Variants in ACSBG1 observed in about 807,000 individuals in gnomAD.
The protein encoded by ACSBG1 is acyl-CoA synthetase bubblegum family member 1.
In ACSBG1, 39 loss-of-function variants were observed where a neutral mutation model predicts 80.2. The observed-to-expected ratio is 0.49, with a 90% CI of 0.38 to 0.64. The LOEUF (loss-of-function observed/expected upper bound fraction) is 0.64. Ranked by LOEUF, ACSBG1 falls within the 30% of genes least tolerant of loss-of-function variation. ACSBG1 has a pLI of 0.00. For synonymous variants in ACSBG1, 392 were observed against 379.5 expected (o/e 1.03, Z -0.38); for missense variants, 828 against 966.4 (o/e 0.86, Z 1.90).
chr15:78,214,788 G>A (rs2075294419), intron 1 of ACSBG1, among the ~76,000 whole-genome samples: 1 of 152,110 alleles, frequency 6.6e-6, no homozygotes, highest in African/African-American at 2.4e-5. Context: ...GGCAGCAATT[G>A]GGACAGGGGT....
chr15:78,211,453 A>G (rs1442583767), intron 1 of ACSBG1, among the ~76,000 whole-genome samples: 1 of 152,202 alleles, frequency 6.6e-6, no homozygotes, highest in East Asian at 1.9e-4. Context: ...TCCCAGGAGG[A>G]AGAAGAGCTT....
Position 78,234,389 on chromosome 15 carries a change from T to C in ACSBG1, c.113A>G (p.Gln38Arg), listed in dbSNP as rs1057491095. ...SRQDMIVRTT[Q>R]EKLKTSSLTD... ...GACTTACCTGGTTTTCAATTTTTCT[T>C]GGGTGGTCCTCACAATCATGTCCTG... The change falls in exon 1 of 14, where the codon CAA (glutamine) becomes CGA (arginine). Residue 38 changes from glutamine to arginine, a missense_variant. Coordinates refer to ENST00000258873, the MANE Select transcript of ACSBG1 (RefSeq NM_015162.5). 3.7e-6 allele frequency: 6 copies of C among 1,612,048 alleles called. No homozygotes were observed. Among genetic ancestry groups the C allele is most frequent in the Non-Finnish European group, 5.1e-6 (6 of 1,179,996 alleles).
intron 2 of ACSBG1, among the ~76,000 whole-genome samples, chr15:78,200,035 G>A (rs994963616): frequency 1.4e-4 from 21 of 152,130 alleles, no homozygotes; most frequent in African/African-American, 2.7e-4. Context: ...GAGGTTTACC[G>A]GATCAAGAGA....
At chr15:78,194,407 G>A (rs1390575800) in intron 3 of ACSBG1, 99 bp downstream of exon 3, 1 of 1,116,142 alleles carries the variant, frequency 9.0e-7, no homozygotes, top group Non-Finnish European at 1.3e-6. Flanking sequence ...GTTCCTAAGA[G>A]CCTTGCCCAG....
chr15:78,174,606 C>T, intron 11 of ACSBG1, 82 bp from the exon 12 acceptor site: 1 of 1,505,320 alleles, frequency 6.6e-7, no homozygotes, highest in East Asian at 2.4e-5. Context: ...TCAACCACAA[C>T]CCGGAAGCCT....
chr15:78,174,746 T>C, intron 11 of ACSBG1: 2 of 559,670 alleles, frequency 3.6e-6, no homozygotes, highest in Non-Finnish European at 6.3e-6. Flanking sequence ...TTCCCTCTCC[T>C]CGGCTTGTCA....
chr15:78,214,906 C>T (rs764212338), intron 1 of ACSBG1, among the ~76,000 whole-genome samples: 1 of 152,206 alleles, frequency 6.6e-6, no homozygotes, highest in Non-Finnish European at 1.5e-5. Flanking sequence ...CTACCCTTCA[C>T]CAAATTTCAA....
chr15:78,190,926 C>T (rs796833991), intron 5 of ACSBG1, among the ~76,000 whole-genome samples: 43 of 151,884 alleles, frequency 2.8e-4, no homozygotes, highest in African/African-American at 1.0e-3. Flanking sequence ...ATAGATGGGA[C>T]AAATAAAAAA....
At chr15:78,217,205 C>T (rs1024963949) in intron 1 of ACSBG1, among the ~76,000 whole-genome samples, 10 of 152,222 alleles carry the variant, frequency 6.6e-5, no homozygotes, top group Non-Finnish European at 1.5e-4. Context: ...TAGCTTGTAA[C>T]TAACACATAA....
intron 2 of ACSBG1, among the ~76,000 whole-genome samples, chr15:78,204,846 C>T (rs999608885): frequency 1.3e-5 from 2 of 152,210 alleles, no homozygotes; most frequent in African/African-American, 2.4e-5. Flanking sequence ...GCCTGAAACA[C>T]CACCCCTTGC....
chr15:78,209,103 A>C, intron 1 of ACSBG1: 1 of 455,144 alleles, frequency 2.2e-6, no homozygotes, highest in South Asian at 1.6e-5. Context: ...GGGTGGGGCT[A>C]GCCCCATCCC....
chr15:78,192,592 T>C (rs961641908), intron 5 of ACSBG1, among the ~76,000 whole-genome samples: 22 of 152,190 alleles, frequency 1.4e-4, no homozygotes, highest in Admixed American at 3.3e-4. Context: ...CCCCCAAGGA[T>C]TCTGGCGCTG....
chr15:78,182,763 A>G lies in ACSBG1; in HGVS notation c.686T>C (p.Leu229Pro). The change falls in exon 6 of 14, where the codon CTA becomes CCA. Residue 229 changes from leucine (L) to proline (P), a missense_variant. Transcript: ENST00000258873. ...TTCTTTATATATCACGACTGCCTTT[A>G]GATGTGGCAACTGTTTCCAGATCTG... ...ILKIWKQLPH[L>P]KAVVIYKEPP... 6.2e-7 allele frequency: 1 copy of G among 1,614,220 alleles called. No homozygotes were observed. Among genetic ancestry groups the G allele is most frequent in the Non-Finnish European group, 8.5e-7 (1 of 1,180,034 alleles).
chr15:78,194,388 A>T, intron 3 of ACSBG1, 118 bp downstream of exon 3: 1 of 928,054 alleles, frequency 1.1e-6, no homozygotes, highest in Non-Finnish European at 1.6e-6. Flanking sequence ...GACAGCTTTT[A>T]CAGTTATTGT....
chr15:78,200,587 C>T (rs1004168397), intron 2 of ACSBG1, among the ~76,000 whole-genome samples: 3 of 152,196 alleles, frequency 2.0e-5, no homozygotes, highest in African/African-American at 2.4e-5. Context: ...GGCATCCAAA[C>T]CCCCACAGTT....
intron 11 of ACSBG1, among the ~76,000 whole-genome samples, chr15:78,176,942 A>C (rs1279847674): frequency 6.6e-6 from 1 of 152,164 alleles, no homozygotes; most frequent in Non-Finnish European, 1.5e-5. Context: ...ATAAATAAAT[A>C]AATAAATAGG....
intron 5 of ACSBG1, among the ~76,000 whole-genome samples, chr15:78,191,851 T>A (rs2075059753): frequency 6.6e-6 from 1 of 152,160 alleles, no homozygotes; most frequent in Non-Finnish European, 1.5e-5. Flanking sequence ...AGCACTTATA[T>A]GGTGCTGCCA....
intron 2 of ACSBG1, among the ~76,000 whole-genome samples, chr15:78,202,937 G>T (rs536417219): frequency 1.3e-4 from 20 of 152,220 alleles, no homozygotes; most frequent in African/African-American, 3.4e-4. Flanking sequence ...CTCTTATTCA[G>T]TTCATTATGG....
intron 5 of ACSBG1, among the ~76,000 whole-genome samples, chr15:78,189,789 T>C (rs1443203245): frequency 6.6e-6 from 1 of 151,824 alleles, no homozygotes; most frequent in African/African-American, 2.4e-5. Context: ...AACCTGCACA[T>C]TGTGCACATG....
Sources: gnomAD v4.1 joint callset for allele counts (sites outside exome capture counted in the v4.1 genomes callset) on GRCh38, gnomAD v4.1.1 for gene constraint, MANE v1.5 for transcripts, NCBI Gene and HGNC (gene_info 2026-07-23, HGNC 2026-07-21) for gene names.